Variants in ARPP21 observed in about 807,000 individuals in gnomAD.
The protein encoded by ARPP21 is cAMP-regulated phosphoprotein 21.
In ARPP21, 69 loss-of-function variants were observed where a neutral mutation model predicts 113.2. That is an observed-to-expected ratio of 0.61 (90% confidence interval 0.50 to 0.74). ARPP21 has a LOEUF of 0.74. Among genes scored for constraint, ARPP21 ranks in the 30% least tolerant of loss-of-function variants. ARPP21 has a pLI of 0.00. For missense variants in ARPP21, 1,070 were observed against 1,037.4 expected (o/e 1.03, Z -0.43); for synonymous variants, 368 against 375.5 (o/e 0.98, Z 0.23).
At chr3:35,747,111 G>A (rs992518934) in intron 19 of ARPP21, among the ~76,000 whole-genome samples, 4 of 152,190 alleles carry the variant, frequency 2.6e-5, no homozygotes, top group African/African-American at 9.7e-5. Context: ...AGCACTTTGG[G>A]AGGTGGAGGC....
chr3:35,791,842 G>C (rs1055219363), intron 19 of ARPP21, among the ~76,000 whole-genome samples: 2 of 152,148 alleles, frequency 1.3e-5, no homozygotes, highest in African/African-American at 4.8e-5. Context: ...AGTGGTTATC[G>C]TGAATTCCTC....
At chr3:35,756,465 C>CG (rs1559866603) in intron 19 of ARPP21, among the ~76,000 whole-genome samples, 1 of 151,916 alleles carries the variant, frequency 6.6e-6, no homozygotes, top group East Asian at 1.9e-4. Flanking sequence ...TCCAAAGCCA[C>CG]GAAACCACCA....
intron 19 of ARPP21, among the ~76,000 whole-genome samples, chr3:35,778,723 C>G (rs1260306371): frequency 8.1e-6 from 1 of 123,172 alleles, no homozygotes; most frequent in African/African-American, 3.1e-5. Context: ...CTAATTCTGG[C>G]ACTACTAAAC....
At chr3:35,687,139 T>C (rs1297083352) in intron 5 of ARPP21, among the ~76,000 whole-genome samples, 1 of 151,338 alleles carries the variant, frequency 6.6e-6, no homozygotes, top group African/African-American at 2.4e-5. Context: ...ATTAGTAGTA[T>C]TTATAAACAA....
intron 19 of ARPP21, among the ~76,000 whole-genome samples, chr3:35,761,542 G>A (rs556386773): frequency 6.6e-6 from 1 of 152,100 alleles, no homozygotes; most frequent in African/African-American, 2.4e-5. Context: ...TGTCAGCAAA[G>A]TTTGTGCTTT....
At chr3:35,667,933 A>AAGAG in intron 1 of ARPP21, among the ~76,000 whole-genome samples, 1 of 136,002 alleles carries the variant, frequency 7.4e-6, no homozygotes, top group African/African-American at 2.9e-5. Context: ...GAGGAGGAGG[A>AAGAG]GAAGGAGAAG....
At chr3:35,655,802 T>C (rs1704579293) in intron 1 of ARPP21, among the ~76,000 whole-genome samples, 2 of 152,060 alleles carry the variant, frequency 1.3e-5, no homozygotes, top group Non-Finnish European at 2.9e-5. Flanking sequence ...GCAGTAGTTC[T>C]CAAAACATCA....
intron 1 of ARPP21, among the ~76,000 whole-genome samples, chr3:35,645,878 T>C (rs1373587160): frequency 6.6e-6 from 1 of 151,948 alleles, no homozygotes; most frequent in East Asian, 1.9e-4. Flanking sequence ...AAAAAAATAG[T>C]TTATCCATGT....
chr3:35,679,762 T>C (rs1319555321), intron 1 of ARPP21, 25 bp from the exon 2 acceptor site: 1 of 152,242 alleles, frequency 6.6e-6, no homozygotes, highest in African/African-American at 2.4e-5. Flanking sequence ...GCAATTATTA[T>C]TATTTATTTT....
chr3:35,775,139 G>T (rs1472202129), intron 19 of ARPP21: 1 of 152,140 alleles, frequency 6.6e-6, no homozygotes, highest in East Asian at 1.9e-4. Context: ...GTAGAAATTC[G>T]ATGAGGGAGC....
At chr3:35,791,143 T>G (rs2096739254) in intron 19 of ARPP21, among the ~76,000 whole-genome samples, 1 of 152,128 alleles carries the variant, frequency 6.6e-6, no homozygotes, top group Non-Finnish European at 1.5e-5. Flanking sequence ...GATAGTTAAG[T>G]ATTTTCTTTT....
intron 15 of ARPP21, among the ~76,000 whole-genome samples, chr3:35,735,629 C>T (rs1476524250): frequency 6.6e-6 from 1 of 152,210 alleles, no homozygotes; most frequent in Admixed American, 6.5e-5. Flanking sequence ...ATGCTGCCTC[C>T]ACCATCTCCC....
intron 7 of ARPP21, among the ~76,000 whole-genome samples, chr3:35,689,648 G>A (rs987327237): frequency 6.6e-6 from 1 of 151,518 alleles, no homozygotes; most frequent in Non-Finnish European, 1.5e-5. Context: ...TACTGGCTAA[G>A]GTGGAAAAAT....
At chr3:35,667,891 G>GAAGAAGAA (rs1262199513) in intron 1 of ARPP21, among the ~76,000 whole-genome samples, 1,106 of 70,920 alleles carry the variant, frequency 0.016, 10 homozygotes, top group Non-Finnish European at 0.019. Flanking sequence ...AAGAAGAAGA[G>GAAGAAGAA]GAAGAGGAAG....
chr3:35,731,689 A>G (rs1246183623), intron 15 of ARPP21, among the ~76,000 whole-genome samples: 1 of 152,024 alleles, frequency 6.6e-6, no homozygotes, highest in East Asian at 1.9e-4. Flanking sequence ...TACCTATCAA[A>G]TTTCTTATAT....
intron 7 of ARPP21, 47 bp from the exon 8 acceptor site, chr3:35,690,034 A>G (rs1216754392): frequency 2.5e-6 from 2 of 809,832 alleles, no homozygotes; most frequent in Non-Finnish European, 2.2e-6. Flanking sequence ...AGGTTTTTGG[A>G]AGTGGAACAT....
At chr3:35,731,104 C>T (rs1479135215) in intron 15 of ARPP21, among the ~76,000 whole-genome samples, 1 of 152,118 alleles carries the variant, frequency 6.6e-6, no homozygotes, top group Admixed American at 6.6e-5. Flanking sequence ...AGAGGGCTTG[C>T]AGAAAAGAGA....
chr3:35,777,722 T>C (rs1466221710), intron 19 of ARPP21, among the ~76,000 whole-genome samples: 1 of 152,204 alleles, frequency 6.6e-6, no homozygotes, highest in Non-Finnish European at 1.5e-5. Flanking sequence ...TCTTCACCCA[T>C]TGTTATCTAT....
At position 35,739,415 on chromosome 3, in the gene ARPP21, C is replaced by T. The variant is rs759495152; in HGVS notation, c.1848C>T (p.Ser616=). The T allele has an allele frequency of 2.0e-5, 33 of 1,614,198 alleles. No individual in the cohort carries two copies. The highest frequency in any genetic ancestry group is 2.8e-5 in the Non-Finnish European group (33 of 1,180,048). Reference sequence around the variant, plus strand: ...CATCAGGTCCTGTCTACCCATCCTCCCTTATGCCACAGCCGGCCCAGCAGC... The same window carrying T: ...CATCAGGTCCTGTCTACCCATCCTCTCTTATGCCACAGCCGGCCCAGCAGC... ...EPPSGPVYPS[S]LMPQPAQQPS... Residue 616 remains serine, a synonymous_variant, in exon 18 of 21, where the codon TCC becomes TCT. Coordinates refer to ENST00000684406, the MANE Select transcript of ARPP21 (RefSeq NM_001385562.1).
Sources: gnomAD v4.1 joint callset for allele counts (sites outside exome capture counted in the v4.1 genomes callset) on GRCh38, gnomAD v4.1.1 for gene constraint, MANE v1.5 for transcripts, NCBI Gene and HGNC (gene_info 2026-07-23, HGNC 2026-07-21) for gene names.